The following FABP3 variants were observed in gnomAD, a reference collection of about 807,000 sequenced individuals.
FABP3 encodes fatty acid binding protein 3.
Under a neutral mutation model 13.4 loss-of-function variants are expected in FABP3, and 8 were observed. The observed-to-expected ratio is 0.60, with a 90% CI of 0.35 to 1.07. The LOEUF is 1.07. Ranked by LOEUF, FABP3 falls within the 50% of genes least tolerant of loss-of-function variation. FABP3 has a pLI of 0.02. For missense variants in FABP3, 135 were observed against 164.7 expected, an observed-to-expected ratio of 0.82 and a Z score of 0.99; for synonymous variants, 64 against 60.0, an observed-to-expected ratio of 1.07 and a Z score of -0.31.
intron 1 of FABP3, among the ~76,000 whole-genome samples, chr1:31,371,216 C>T (rs2148496373): frequency 6.6e-6 from 1 of 152,312 alleles, no homozygotes; most frequent in African/African-American, 2.4e-5. Flanking sequence ...TCAGCCCACC[C>T]TTGCTTGGCC....
At chr1:31,364,002 C>T, downstream of FABP3, 1 of 1,607,178 alleles carries the variant, frequency 6.2e-7, no homozygotes, top group Non-Finnish European at 8.5e-7. Flanking sequence ...TATACACATA[C>T]AGTGTTGATT....
At chr1:31,361,786 A>ATTATTTATTTAT (rs3049344), downstream of FABP3, among the ~76,000 whole-genome samples, 435 of 145,910 alleles carry the variant, frequency 3.0e-3, 1 homozygote, top group South Asian at 4.6e-3. Context: ...AGAGGGGGAG[A>ATTATTTATTTAT]TTATTTATTT....
intron 1 of FABP3, among the ~76,000 whole-genome samples, chr1:31,369,968 G>A (rs1640178365): frequency 6.6e-6 from 1 of 152,038 alleles, no homozygotes; most frequent in East Asian, 1.9e-4. Context: ...AGCCAGATGT[G>A]GTGGTATGTG....
chr1:31,369,386 T>C lies in FABP3; in HGVS notation c.245A>G (p.Lys82Arg). 2 of 1,614,058 alleles carry C rather than the reference T, an allele frequency of 1.2e-6. No individual in the cohort carries two copies. The highest frequency in any genetic ancestry group is 1.7e-6 in the Non-Finnish European group (2 of 1,179,952). ...DETTADDRKVKSIVTLDGGKL... is the reference protein window; with the variant it reads ...DETTADDRKVRSIVTLDGGKL... ...CCCACCCCTGTTTCCCTGACTTACC[T>C]TGACCTTCCTGTCATCTGCTGTTGT... Residue 82 changes from lysine (K) to arginine (R), a missense_variant and splice_region_variant, in exon 2 of 4, where the codon AAG becomes AGG. Physicochemically the swap from Lys to Arg is conservative, Grantham distance 26 (BLOSUM62 2). Coordinates refer to ENST00000373713, the MANE Select transcript of FABP3 (RefSeq NM_004102.5).
downstream of FABP3, chr1:31,364,266 C>T: frequency 6.6e-7 from 1 of 1,520,550 alleles, no homozygotes; most frequent in Non-Finnish European, 8.8e-7. Flanking sequence ...CCTGGAAAGA[C>T]TCAATAGTGA....
At chr1:31,363,850 A>T (rs981870336), downstream of FABP3, among the ~76,000 whole-genome samples, 2 of 152,080 alleles carry the variant, frequency 1.3e-5, no homozygotes, top group Admixed American at 1.3e-4. Context: ...CTTTTTAGAG[A>T]TGAGATCTTG....
In FABP3 at chr1:31,367,464, C is replaced by G. The variant is rs1640133862; in HGVS notation, c.277G>C (p.Val93Leu). The change falls in exon 3 of 4, where the codon GTT becomes CTT. Residue 93 changes from valine (V) to leucine (L), a missense_variant. Coordinates refer to ENST00000373713, the MANE Select transcript of FABP3 (RefSeq NM_004102.5). ...SIVTLDGGKL[V>L]HLQKWDGQET... ...TGCCCGTCCCATTTCTGCAGGTGAA[C>G]AAGTTTCCCTCCATCCAGTGTCACA... The G allele has an allele frequency of 1.2e-6, 2 of 1,614,204 alleles. No individual in the cohort carries two copies. The highest frequency in any genetic ancestry group is 1.7e-5 in the Admixed American group (1 of 60,030).
At chr1:31,367,673 C>T (rs1640138020) in intron 2 of FABP3, among the ~76,000 whole-genome samples, 179 bp from the exon 3 acceptor site, 1 of 152,222 alleles carries the variant, frequency 6.6e-6, no homozygotes, top group Admixed American at 6.5e-5. Context: ...AGTTCACCTC[C>T]AGCCTCTGCT....
In FABP3 at chr1:31,369,443, ATC is replaced by A; in HGVS notation, c.186_187del (p.Glu62AspfsTer4). 1 of 1,614,028 alleles carries A rather than the reference ATC, an allele frequency of 6.2e-7. No homozygotes were observed. The highest frequency in any genetic ancestry group is 8.5e-7 in the Non-Finnish European group (1 of 1,180,008). On this transcript the variant is annotated frameshift_variant, in exon 2 of 4. Transcript: ENST00000373713. LOFTEE classifies it high-confidence loss of function. ...GAACTCCACCCCCAACTTAAAGCTG[ATC>A]TCTGTGTTCTTGAAGGTGCTGTGTG...
chr1:31,365,930 G>C lies in FABP3; in HGVS notation c.358C>G (p.His120Asp), dbSNP rs765891427. ...IDGKLILTLTHGTAVCTRTYE... is the reference protein window; with the variant it reads ...IDGKLILTLTDGTAVCTRTYE... ...GTGCGAGTGCAAACTGCAGTGCCGT[G>C]GGTGAGTGTCTGGAAGGAAAGACAG... Residue 120 changes from histidine to aspartate, a missense_variant, in exon 4 of 4, where the codon CAC becomes GAC. Physicochemically the swap from His to Asp is moderately conservative, Grantham distance 81. Coordinates refer to ENST00000373713, the MANE Select transcript of FABP3 (RefSeq NM_004102.5). 19 of 1,613,756 alleles carry C rather than the reference G, an allele frequency of 1.2e-5. No individual in the cohort carries two copies. In the Admixed American group the frequency reaches 2.8e-4, roughly 24 times the overall value.
intron 2 of FABP3, 120 bp downstream of exon 2, chr1:31,369,265 T>TTTAAATTCCCCATGATAG: frequency 9.4e-7 from 1 of 1,065,282 alleles, no homozygotes; most frequent in Non-Finnish European, 1.4e-6. Context: ...TCTTGTTTCA[T>TTTAAATTCCCCATGATAG]TTAAATTCCC....
At position 31,372,731 on chromosome 1, in the gene FABP3, T is replaced by C. The variant is rs566197416; in HGVS notation, c.73+211A>G. ...AGAGCCTCCCACACAGCTGCCTCCT[T>C]CCACCACCTCCCTACCGTGGTCTCT... On this transcript the variant is annotated intron_variant, in intron 1 of 3. Transcript: ENST00000373713. Among the ~76,000 whole-genome samples, 20 of 152,238 alleles carry C rather than the reference T, an allele frequency of 1.3e-4. No homozygotes were observed. In the South Asian group the frequency reaches 4.1e-3, roughly 32 times the overall value.
chr1:31,363,187 T>C (rs1639987103), downstream of FABP3, among the ~76,000 whole-genome samples: 1 of 149,742 alleles, frequency 6.7e-6, no homozygotes, highest in Admixed American at 6.6e-5. Context: ...TTATACTTTT[T>C]TTTTTTTTTT....
chr1:31,364,453 T>G, downstream of FABP3: 2 of 498,150 alleles, frequency 4.0e-6, no homozygotes, highest in East Asian at 3.3e-5. Context: ...TTCACCCAAC[T>G]TCCTTCATTC....
intron 1 of FABP3, among the ~76,000 whole-genome samples, chr1:31,372,452 CCTT>C (rs1295237451): frequency 1.3e-5 from 2 of 152,162 alleles, no homozygotes; most frequent in Non-Finnish European, 2.9e-5. Context: ...TGTCTTACGT[CCTT>C]CTCATATCTG....
At chr1:31,371,346 G>C (rs1478220515) in intron 1 of FABP3, among the ~76,000 whole-genome samples, 1 of 152,176 alleles carries the variant, frequency 6.6e-6, no homozygotes, top group Non-Finnish European at 1.5e-5. Flanking sequence ...TCTACCCAGA[G>C]GTATGGAGTG....
At chr1:31,366,723 A>C (rs1293936795) in intron 3 of FABP3, among the ~76,000 whole-genome samples, 1 of 152,200 alleles carries the variant, frequency 6.6e-6, no homozygotes, top group Non-Finnish European at 1.5e-5. Context: ...GCTTGAACAG[A>C]TCTGCCAGCC....
At chr1:31,368,493 C>T (rs1640149736) in intron 2 of FABP3, among the ~76,000 whole-genome samples, 1 of 152,162 alleles carries the variant, frequency 6.6e-6, no homozygotes, top group Admixed American at 6.5e-5. Context: ...AGGTAGACTG[C>T]CATCTTTGGG....
At chr1:31,371,443 G>A (rs1640208604) in intron 1 of FABP3, among the ~76,000 whole-genome samples, 1 of 152,226 alleles carries the variant, frequency 6.6e-6, no homozygotes, top group Non-Finnish European at 1.5e-5. Flanking sequence ...AGGAGACTCA[G>A]GGAGATCTGG....
Sources: gnomAD v4.1 joint callset for allele counts (sites outside exome capture counted in the v4.1 genomes callset) on GRCh38, gnomAD v4.1.1 for gene constraint, MANE v1.5 for transcripts, NCBI Gene and HGNC (gene_info 2026-07-23, HGNC 2026-07-21) for gene names.